The following SEMA5A variants were observed in gnomAD, a reference collection of about 807,000 sequenced individuals.
SEMA5A encodes semaphorin 5A.
A neutral mutation model predicts 135.5 loss-of-function variants in SEMA5A; 55 were observed. That is an observed-to-expected ratio of 0.41 (90% CI 0.33 to 0.51). The LOEUF (loss-of-function observed/expected upper bound fraction) is 0.51. Ranked by LOEUF, SEMA5A falls within the 20% of genes least tolerant of loss-of-function variation. The pLI, the probability that SEMA5A is intolerant of heterozygous loss-of-function variation, is 0.37. For synonymous variants in SEMA5A, 580 were observed against 546.5 expected, an observed-to-expected ratio of 1.06 and a Z score of -0.85; for missense variants, 1,290 against 1,419.9, an observed-to-expected ratio of 0.91 and a Z score of 1.47.
chr5:9,323,657 C>CTTTT (rs35243676), intron 4 of SEMA5A, among the ~76,000 whole-genome samples: 14 of 108,932 alleles, frequency 1.3e-4, no homozygotes, highest in African/African-American at 1.8e-4. Context: ...TCTTTTTTTC[C>CTTTT]TTTTTTTTTT....
At position 9,458,072 on chromosome 5, in the gene SEMA5A, TA is replaced by T. The variant is rs527652042; in HGVS notation, c.-174-20221del. Among the ~76,000 whole-genome samples, 1,147 of 152,154 alleles carry T rather than the reference TA, an allele frequency of 7.5e-3. 15 individuals carry two copies. Among genetic ancestry groups the T allele is most frequent in the African/African-American group, 0.027 (1,111 of 41,510 alleles). On this transcript the variant is annotated intron_variant, in intron 1 of 22. Coordinates refer to ENST00000382496, the MANE Select transcript of SEMA5A (RefSeq NM_003966.3). Reference sequence around the variant, plus strand: ...ACAGCCACCCGCCAACACGCCCAGCTAATTTTTTGTATTTTTAGTAGAGACG... The same window carrying T: ...ACAGCCACCCGCCAACACGCCCAGCTATTTTTTGTATTTTTAGTAGAGACG...
chr5:9,498,965 A>G (rs189958773), intron 1 of SEMA5A, among the ~76,000 whole-genome samples: 1 of 152,356 alleles, frequency 6.6e-6, no homozygotes, highest in African/African-American at 2.4e-5. Flanking sequence ...ATGGCAAGCT[A>G]TAAGGAACGT....
intron 2 of SEMA5A, among the ~76,000 whole-genome samples, chr5:9,388,724 C>T (rs1306973788): frequency 1.3e-5 from 2 of 151,900 alleles, no homozygotes; most frequent in Non-Finnish European, 2.9e-5. Context: ...ACAGTGAAAC[C>T]CCATCTCTAC....
chr5:9,256,409 T>C (rs1749069273), intron 5 of SEMA5A, among the ~76,000 whole-genome samples: 1 of 152,094 alleles, frequency 6.6e-6, no homozygotes, highest in African/African-American at 2.4e-5. Context: ...TTCCAAACCT[T>C]TGTATTCACT....
chr5:9,460,533 T>G (rs976802855), intron 1 of SEMA5A, among the ~76,000 whole-genome samples: 1 of 152,116 alleles, frequency 6.6e-6, no homozygotes, highest in African/African-American at 2.4e-5. Context: ...CTATTAAAGA[T>G]TAAAAAAGTA....
intron 5 of SEMA5A, among the ~76,000 whole-genome samples, chr5:9,273,454 G>T (rs896549677): frequency 3.9e-5 from 6 of 151,988 alleles, no homozygotes; most frequent in Non-Finnish European, 7.4e-5. Flanking sequence ...ACCTAGCAAG[G>T]CAGGCCAACA....
intron 2 of SEMA5A, among the ~76,000 whole-genome samples, chr5:9,399,071 A>G (rs539370941): frequency 5.9e-5 from 9 of 152,374 alleles, no homozygotes; most frequent in African/African-American, 2.2e-4. Flanking sequence ...ATGAATTTCA[A>G]TAACCCAGCA....
intron 8 of SEMA5A, among the ~76,000 whole-genome samples, chr5:9,213,035 C>A (rs2150391112): frequency 6.6e-6 from 1 of 152,298 alleles, no homozygotes; most frequent in African/African-American, 2.4e-5. Context: ...TGGTTCCTAG[C>A]CGGCACCTTC....
intron 5 of SEMA5A, among the ~76,000 whole-genome samples, chr5:9,312,310 A>C (rs1306169704): frequency 6.7e-6 from 1 of 149,412 alleles, no homozygotes; most frequent in African/African-American, 2.4e-5. Flanking sequence ...GGTTTTCAAT[A>C]GGGGATGGCT....
At chr5:9,340,195 G>A (rs1172084919) in intron 3 of SEMA5A, among the ~76,000 whole-genome samples, 1 of 152,174 alleles carries the variant, frequency 6.6e-6, no homozygotes, top group African/African-American at 2.4e-5. Context: ...TAGTTCAGGA[G>A]GTTCATCATT....
intron 11 of SEMA5A, among the ~76,000 whole-genome samples, chr5:9,155,203 T>G (rs543780971): frequency 1.3e-5 from 2 of 152,210 alleles, no homozygotes; most frequent in South Asian, 4.1e-4. Context: ...TCTCCCTCTC[T>G]CCTCTGTCTA....
intron 5 of SEMA5A, among the ~76,000 whole-genome samples, chr5:9,284,222 C>T (rs1317597851): frequency 2.0e-5 from 3 of 152,088 alleles, no homozygotes; most frequent in Non-Finnish European, 4.4e-5. Context: ...ATTTCCCTGC[C>T]AATCATTCCT....
At chr5:9,487,973 T>C (rs1167990623) in intron 1 of SEMA5A, among the ~76,000 whole-genome samples, 1 of 152,200 alleles carries the variant, frequency 6.6e-6, no homozygotes, top group East Asian at 1.9e-4. Context: ...ACTAATTTTA[T>C]ATTTTCCACT....
chr5:9,105,561 C>T (rs1194186067), intron 16 of SEMA5A, among the ~76,000 whole-genome samples: 2 of 152,014 alleles, frequency 1.3e-5, no homozygotes, highest in African/African-American at 2.4e-5. Flanking sequence ...CAGCTGAAGC[C>T]CATGGATAAC....
At chr5:9,228,626 G>A (rs1747452943) in intron 6 of SEMA5A, among the ~76,000 whole-genome samples, 1 of 152,238 alleles carries the variant, frequency 6.6e-6, no homozygotes, top group African/African-American at 2.4e-5. Context: ...GAGAAGCCTG[G>A]AGTCAGGAAG....
chr5:9,241,063 T>G (rs1048043381), intron 5 of SEMA5A, among the ~76,000 whole-genome samples: 4 of 152,130 alleles, frequency 2.6e-5, no homozygotes, highest in Non-Finnish European at 5.9e-5. Flanking sequence ...TTGTCTGCAT[T>G]ATATATTTCA....
intron 12 of SEMA5A, among the ~76,000 whole-genome samples, chr5:9,149,986 A>G (rs1299523017): frequency 1.3e-5 from 2 of 152,134 alleles, no homozygotes; most frequent in Non-Finnish European, 2.9e-5. Context: ...GTGCCTCCTC[A>G]TGGAGACTTT....
At chr5:9,354,536 C>T (rs1283712343) in intron 3 of SEMA5A, among the ~76,000 whole-genome samples, 1 of 152,160 alleles carries the variant, frequency 6.6e-6, no homozygotes, top group African/African-American at 2.4e-5. Flanking sequence ...AGACCGTCTG[C>T]TCCCAGGCAC....
intron 5 of SEMA5A, among the ~76,000 whole-genome samples, chr5:9,305,728 T>TATATGTATATATATATATATA (rs1287444762): frequency 4.2e-5 from 4 of 95,000 alleles, no homozygotes; most frequent in Non-Finnish European, 6.9e-5. Context: ...ATATATATAT[T>TATATGTATATATATATATATA]TACACGCACA....
Sources: allele counts gnomAD v4.1 joint callset (sites outside exome capture counted in the v4.1 genomes callset), GRCh38; gene constraint gnomAD v4.1.1; transcripts MANE v1.5; gene names NCBI Gene and HGNC (gene_info 2026-07-23, HGNC 2026-07-21).